The following NPR3 variants were observed in gnomAD, a reference collection of about 807,000 sequenced individuals.
NPR3 encodes natriuretic peptide receptor 3.
NPR3 carries 34 observed loss-of-function variants against 54.5 expected under a neutral mutation model. The ratio of observed to expected loss-of-function variants is 0.62; its 90% confidence interval spans 0.47 to 0.83. NPR3 has a LOEUF of 0.83. Ranked by LOEUF, NPR3 falls within the 40% of genes least tolerant of loss-of-function variation. NPR3 has a pLI of 0.00. For synonymous variants in NPR3, 289 were observed against 297.1 expected (o/e 0.97, Z 0.28); for missense variants, 674 against 720.8 (o/e 0.94, Z 0.74).
chr5:32,748,722 G>A (rs1740426988), intron 3 of NPR3, among the ~76,000 whole-genome samples: 1 of 152,164 alleles, frequency 6.6e-6, no homozygotes, highest in African/African-American at 2.4e-5. Flanking sequence ...ATGAAGGGAG[G>A]GGAATGAATT....
rs933488629 is a variant in NPR3 at position 32,711,731 on chromosome 5, G to A, written c.-46G>A. 4 of 1,411,970 alleles carry A rather than the reference G, an allele frequency of 2.8e-6. No individual in the cohort carries two copies. The East Asian group carries it at 8.3e-5, about 29-fold the overall frequency. 87.5% of individuals were successfully genotyped at this position (1,411,970 alleles called of 1,614,324 possible). On this transcript the variant is annotated 5_prime_UTR_variant, in exon 1 of 8. Transcript: ENST00000265074. ...AAAGAGGAAGGGTGGGTGGGGGGCA[G>A]AGGGCGAGTCGGCGGCGGCGAGGGC...
In NPR3 at chr5:32,711,380, C is replaced by T. The variant is rs1039242471; in HGVS notation, c.-397C>T. The T allele has an allele frequency of 2.0e-5, 20 of 998,502 alleles. No individual in the cohort carries two copies. Among genetic ancestry groups the T allele is most frequent in the Non-Finnish European group, 2.4e-5 (20 of 839,334 alleles). The allele number at this position is 998,502 out of a possible 1,614,324, so 61.9% of individuals were successfully genotyped here. On this transcript the variant is annotated 5_prime_UTR_variant, in exon 1 of 8. The change creates a premature stop within an existing upstream ORF in the 5' untranslated region. Transcript: ENST00000265074. ...GCACCGTCAATTACAAACACTTGGA[C>T]AAGTCTAACTTTTTTTTTCTTCTAC...
intron 3 of NPR3, among the ~76,000 whole-genome samples, chr5:32,749,922 A>G (rs1165618632): frequency 6.6e-6 from 1 of 152,176 alleles, no homozygotes; most frequent in African/African-American, 2.4e-5. Context: ...TATTTACATA[A>G]AAATAATTAT....
chr5:32,763,918 T>G (rs905915364), intron 3 of NPR3, among the ~76,000 whole-genome samples: 1 of 152,210 alleles, frequency 6.6e-6, no homozygotes, highest in Admixed American at 6.5e-5. Context: ...GGTTTTGGTC[T>G]TTCTTAGGGT....
At chr5:32,745,186 T>C (rs928933878) in intron 3 of NPR3, among the ~76,000 whole-genome samples, 2 of 152,098 alleles carry the variant, frequency 1.3e-5, no homozygotes, top group African/African-American at 4.8e-5. Context: ...AATTATACCA[T>C]GGGAAATAGT....
At chr5:32,720,311 C>G (rs1738785384) in intron 1 of NPR3, among the ~76,000 whole-genome samples, 2 of 152,166 alleles carry the variant, frequency 1.3e-5, no homozygotes, top group African/African-American at 4.8e-5. Flanking sequence ...TAAATGAAAG[C>G]ACATTGAGAG....
chr5:32,755,953 A>G (rs207465889), intron 3 of NPR3, among the ~76,000 whole-genome samples: 5 of 152,198 alleles, frequency 3.3e-5, no homozygotes, highest in Admixed American at 3.3e-4. Context: ...TTATGGCTGC[A>G]TAGTATTCCA....
At chr5:32,731,581 G>A (rs983937050) in intron 2 of NPR3, among the ~76,000 whole-genome samples, 1 of 152,126 alleles carries the variant, frequency 6.6e-6, no homozygotes, top group Non-Finnish European at 1.5e-5. Context: ...TTTAATAAAT[G>A]TTAGCTATAT....
chr5:32,760,388 A>G (rs1464856581), intron 3 of NPR3, among the ~76,000 whole-genome samples: 1 of 152,136 alleles, frequency 6.6e-6, no homozygotes, highest in Non-Finnish European at 1.5e-5. Context: ...AATTTTAGCT[A>G]TTCTGATGGA....
At chr5:32,770,394 C>T (rs769327034) in intron 3 of NPR3, among the ~76,000 whole-genome samples, 3 of 150,982 alleles carry the variant, frequency 2.0e-5, no homozygotes, top group Non-Finnish European at 4.4e-5. Flanking sequence ...TGCACCACTG[C>T]ACTCCAGCCT....
Position 32,739,017 on chromosome 5 carries a change from A to G in NPR3, c.1046A>G (p.Asn349Ser). The G allele has an allele frequency of 1.2e-6, 2 of 1,613,892 alleles. No individual in the cohort carries two copies. Among genetic ancestry groups the G allele is most frequent in the Non-Finnish European group, 1.7e-6 (2 of 1,179,844 alleles). ...VKSSVEKQGLNMEDYVNMFVE... is the reference protein window; with the variant it reads ...VKSSVEKQGLSMEDYVNMFVE... ...AGTTCAGTTGAGAAACAAGGGCTCA[A>G]TATGGAGGATTACGTAAGTGCCTGA... The change falls in exon 3 of 8, where the codon AAT becomes AGT. Residue 349 changes from asparagine to serine, a missense_variant. Asn to Ser is a conservative substitution (Grantham distance 46). Transcript: ENST00000265074.
intron 1 of NPR3, among the ~76,000 whole-genome samples, chr5:32,692,421 T>A (rs1234457241): frequency 6.6e-6 from 1 of 152,152 alleles, no homozygotes; most frequent in Non-Finnish European, 1.5e-5. Flanking sequence ...TTTTGTAGGA[T>A]AGATGAGGCA....
intron 3 of NPR3, among the ~76,000 whole-genome samples, chr5:32,759,582 T>A (rs969040366): frequency 6.6e-6 from 1 of 152,238 alleles, no homozygotes; most frequent in Non-Finnish European, 1.5e-5. Context: ...TGTCTTTTAA[T>A]TGGAGTATTC....
chr5:32,694,647 C>T lies in NPR3; in HGVS notation c.100+5461C>T, dbSNP rs181926062. Among the ~76,000 whole-genome samples, 6 of 152,202 alleles carry T rather than the reference C, an allele frequency of 3.9e-5. No homozygotes were observed. The South Asian group carries it at 6.2e-4, about 16-fold the overall frequency. On this transcript the variant is annotated intron_variant, in intron 1 of 5. Coordinates refer to the NPR3 transcript ENST00000509104. ...GGCATACAATGCATAATAATCACAT[C>T]GGGTGAATGGGATATCCATAACCTC...
upstream of NPR3, chr5:32,710,744 C>T (rs1196760855): frequency 8.4e-6 from 13 of 1,547,402 alleles, no homozygotes; most frequent in Non-Finnish European, 1.1e-5. Context: ...GCTCGCCCCG[C>T]GTCGGTGCTT....
intron 2 of NPR3, among the ~76,000 whole-genome samples, chr5:32,735,651 A>G (rs1365857364): frequency 6.6e-6 from 1 of 152,078 alleles, no homozygotes; most frequent in Non-Finnish European, 1.5e-5. Context: ...GCTATTTCCC[A>G]AGGCTGATTC....
chr5:32,715,811 A>C (rs545870219), intron 1 of NPR3, among the ~76,000 whole-genome samples: 5 of 152,390 alleles, frequency 3.3e-5, no homozygotes, highest in South Asian at 4.1e-4. Context: ...TTTTATGTGA[A>C]GAACTGTAGT....
chr5:32,699,374 G>A (rs1193288148), intron 1 of NPR3, among the ~76,000 whole-genome samples: 2 of 152,098 alleles, frequency 1.3e-5, no homozygotes, highest in African/African-American at 4.8e-5. Context: ...GTGTCATGGT[G>A]GTTTGCTGCA....
At chr5:32,782,848 C>T (rs1186286015) in intron 5 of NPR3, 45 bp from the exon 6 acceptor site, 3 of 1,552,392 alleles carry the variant, frequency 1.9e-6, no homozygotes, top group East Asian at 4.6e-5. Context: ...CTTTGTGCCT[C>T]CTTTGACTTT....
Sources: gnomAD v4.1 joint callset for allele counts (sites outside exome capture counted in the v4.1 genomes callset) on GRCh38, gnomAD v4.1.1 for gene constraint, MANE v1.5 for transcripts, NCBI Gene and HGNC (gene_info 2026-07-23, HGNC 2026-07-21) for gene names.